MKLN1: variants seen among roughly 807,000 people sequenced by gnomAD.
The protein encoded by MKLN1 is muskelin 1, also known as muskelin.
A neutral mutation model predicts 99.0 loss-of-function variants in MKLN1; 18 were observed. The ratio of observed to expected loss-of-function variants is 0.18; its 90% CI spans 0.13 to 0.27. MKLN1 has a LOEUF of 0.27. Among genes scored for constraint, MKLN1 ranks in the 10% least tolerant of loss-of-function variants. MKLN1 has a pLI of 1.00. For missense variants in MKLN1, 621 were observed against 875.9 expected (o/e 0.71, Z 3.67); for synonymous variants, 288 against 293.2 (o/e 0.98, Z 0.18).
intron 3 of MKLN1, among the ~76,000 whole-genome samples, chr7:131,229,128 T>C (rs1321339796): frequency 6.6e-6 from 1 of 151,632 alleles, no homozygotes; most frequent in Non-Finnish European, 1.5e-5. Context: ...GGGGAGGGTG[T>C]GGGGCTTAAG....
intron 17 of MKLN1, among the ~76,000 whole-genome samples, chr7:131,484,901 A>G (rs899026656): frequency 1.3e-5 from 2 of 152,102 alleles, no homozygotes; most frequent in Admixed American, 1.3e-4. Context: ...ATGGAATGGA[A>G]TAAGAGAAGG....
rs556054949 is a variant in MKLN1, at chr7:131,424,339, C to T, written c.848-4694C>T. 7.3e-4 allele frequency among the ~76,000 whole-genome samples: 110 copies of T among 151,546 alleles called. 1 individual carries two copies. Among genetic ancestry groups the T allele is most frequent in the Non-Finnish European group, 9.1e-4 (62 of 67,900 alleles). ...CATGAATTTTGTCTAAGTTTTGGGC[C>T]CAGGCTATGTCAATGCGTAGTATAC... On this transcript the variant is annotated intron_variant, in intron 8 of 17. Coordinates refer to ENST00000352689, the MANE Select transcript of MKLN1 (RefSeq NM_013255.5).
At chr7:131,255,959 G>A in intron 3 of MKLN1, among the ~76,000 whole-genome samples, 1 of 151,048 alleles carries the variant, frequency 6.6e-6, no homozygotes, top group Non-Finnish European at 1.5e-5. Flanking sequence ...AGGCTGGAGT[G>A]CAGTGACATG....
intron 12 of MKLN1, among the ~76,000 whole-genome samples, chr7:131,457,176 C>T (rs1796369198): frequency 6.6e-6 from 1 of 151,758 alleles, no homozygotes; most frequent in Non-Finnish European, 1.5e-5. Context: ...ACTCGGGAGG[C>T]TGAGACAGGA....
At position 131,488,878 on chromosome 7, in the gene MKLN1, G is replaced by A. The variant is rs1797354508; in HGVS notation, c.*1150G>A. On this transcript the variant is annotated 3_prime_UTR_variant, in exon 18 of 18. Coordinates refer to ENST00000352689, the MANE Select transcript of MKLN1 (RefSeq NM_013255.5). Reference sequence around the variant, plus strand: ...TTTCATTAAAAAACAAGGTATGGCAGATGGACTTTTCCATGGGTCAAATTT... The same window carrying A: ...TTTCATTAAAAAACAAGGTATGGCAAATGGACTTTTCCATGGGTCAAATTT... The A allele has an allele frequency of 1.3e-5, 2 of 152,154 alleles. No homozygotes were observed. Among genetic ancestry groups the A allele is most frequent in the Admixed American group, 1.3e-4 (2 of 15,264 alleles). 9.4% of individuals were successfully genotyped at this position (152,154 alleles called of 1,614,324 possible).
chr7:131,373,851 A>G (rs1251393912), intron 1 of MKLN1, among the ~76,000 whole-genome samples: 1 of 152,120 alleles, frequency 6.6e-6, no homozygotes, highest in South Asian at 2.1e-4. Flanking sequence ...TCTTTCTCTG[A>G]TCCAAGATCC....
At position 131,379,776 on chromosome 7, in the gene MKLN1, G is replaced by T. The variant is rs78551874; in HGVS notation, c.168+4283G>T. Among the ~76,000 whole-genome samples the T allele has an allele frequency of 3.8e-3, 575 of 152,268 alleles. 16 individuals are homozygous for T. The East Asian group carries it at 0.084, about 22-fold the overall frequency. The stretch of plus-strand genomic sequence containing the variant: ...GGGTACCCCATTCTCCACGATGTGC[G>T]TATTTCACATTGCATCCCTGTATCA... On this transcript the variant is annotated intron_variant, in intron 2 of 17. Coordinates refer to ENST00000352689, the MANE Select transcript of MKLN1 (RefSeq NM_013255.5).
chr7:131,145,367 A>C (rs1795802495), intron 2 of MKLN1, among the ~76,000 whole-genome samples: 1 of 152,200 alleles, frequency 6.6e-6, no homozygotes, highest in Non-Finnish European at 1.5e-5. Flanking sequence ...TGATTGTAAG[A>C]AGATGAGTCA....
rs546345608 is a variant in MKLN1 at position 131,279,440 on chromosome 7, G to T, written c.-179+76466G>T. On this transcript the variant is annotated intron_variant, in intron 3 of 7. Coordinates refer to the MKLN1 transcript ENST00000416992. ...GTAATTGAACTAGAATTCAAAACTG[G>T]GTCATATTTTTATTTCTTTTACAGC... Among the ~76,000 whole-genome samples the T allele has an allele frequency of 3.9e-5, 6 of 152,188 alleles. No individual in the cohort carries two copies. In the South Asian group the frequency reaches 1.0e-3, roughly 26 times the overall value.
At chr7:131,327,757 C>T (rs917726766), upstream of MKLN1, 4 of 1,396,622 alleles carry the variant, frequency 2.9e-6, no homozygotes, top group East Asian at 2.6e-5. Flanking sequence ...GACATTGGCC[C>T]GGCGCTGGGC....
chr7:131,319,955 C>A (rs934844287), intron 3 of MKLN1, among the ~76,000 whole-genome samples: 4 of 152,160 alleles, frequency 2.6e-5, no homozygotes, highest in African/African-American at 9.7e-5. Flanking sequence ...AAAAAAATTC[C>A]ATGCTCATGG....
intron 3 of MKLN1, among the ~76,000 whole-genome samples, chr7:131,290,176 G>T (rs924489301): frequency 6.6e-6 from 1 of 152,100 alleles, no homozygotes; most frequent in Admixed American, 6.5e-5. Context: ...ATGGTGGCAG[G>T]TGCCTGTAAT....
intron 8 of MKLN1, among the ~76,000 whole-genome samples, chr7:131,417,228 A>G (rs138848087): frequency 1.7e-3 from 259 of 152,318 alleles, no homozygotes; most frequent in African/African-American, 6.1e-3. Flanking sequence ...TAGTTTATAG[A>G]AAGCTACAGA....
intron 1 of MKLN1, among the ~76,000 whole-genome samples, chr7:131,353,876 C>T (rs1584639529): frequency 2.9e-5 from 3 of 103,376 alleles, no homozygotes; most frequent in Non-Finnish European, 3.9e-5. Context: ...GCTATTCTTC[C>T]TTTGTTGAAT....
intron 1 of MKLN1, among the ~76,000 whole-genome samples, chr7:131,118,333 C>T (rs1795309053): frequency 6.6e-6 from 1 of 152,124 alleles, no homozygotes; most frequent in African/African-American, 2.4e-5. Flanking sequence ...GTGGGTGAAT[C>T]ACCTGAGGTC....
At chr7:131,195,999 A>G (rs940546113) in intron 2 of MKLN1, among the ~76,000 whole-genome samples, 21 of 152,236 alleles carry the variant, frequency 1.4e-4, no homozygotes, top group African/African-American at 4.6e-4. Flanking sequence ...GATAATTTTA[A>G]TTTTCTTTTT....
intron 3 of MKLN1, among the ~76,000 whole-genome samples, chr7:131,292,892 T>C (rs776922018): frequency 9.2e-5 from 14 of 152,212 alleles, no homozygotes; most frequent in African/African-American, 3.1e-4. Context: ...TACCACTTAA[T>C]CAAGTTTCAA....
chr7:131,423,270 GAAA>G (rs1664373427), intron 8 of MKLN1, among the ~76,000 whole-genome samples: 1 of 152,134 alleles, frequency 6.6e-6, no homozygotes, highest in South Asian at 2.1e-4. Context: ...CCTTTCTGTA[GAAA>G]TTTGAACCTT....
At chr7:131,311,552 C>T (rs959147051) in intron 3 of MKLN1, among the ~76,000 whole-genome samples, 4 of 152,148 alleles carry the variant, frequency 2.6e-5, no homozygotes, top group African/African-American at 9.7e-5. Context: ...GCCTAATATT[C>T]CTCTCTTGGA....
Sources: allele counts gnomAD v4.1 joint callset (sites outside exome capture counted in the v4.1 genomes callset), GRCh38; gene constraint gnomAD v4.1.1; transcripts MANE v1.5; gene names NCBI Gene and HGNC (gene_info 2026-07-23, HGNC 2026-07-21).